Variants in MCTP1 observed in about 807,000 individuals in gnomAD.
The protein encoded by MCTP1 is multiple C2 and transmembrane domain-containing protein 1.
MCTP1 carries 69 observed loss-of-function variants against 120.6 expected under a neutral mutation model. The ratio of observed to expected loss-of-function variants is 0.57; its 90% CI spans 0.47 to 0.70. The LOEUF is 0.70. Ranked by LOEUF, MCTP1 falls within the 30% of genes least tolerant of loss-of-function variation. The probability of loss-of-function intolerance (pLI) is 0.00; values close to 1 mark genes in which losing one functional copy is unlikely to be tolerated. For missense variants in MCTP1, 1,203 were observed against 1,248.8 expected, an observed-to-expected ratio of 0.96 and a Z score of 0.55; for synonymous variants, 529 against 493.1, an observed-to-expected ratio of 1.07 and a Z score of -0.96.
At chr5:95,118,840 T>A (rs1448684678) in intron 1 of MCTP1, among the ~76,000 whole-genome samples, 1 of 152,166 alleles carries the variant, frequency 6.6e-6, no homozygotes. Flanking sequence ...TATTTAACAA[T>A]TGCAAATATA....
intron 19 of MCTP1, among the ~76,000 whole-genome samples, chr5:94,716,598 A>G (rs1759450558): frequency 6.6e-6 from 1 of 152,182 alleles, no homozygotes; most frequent in South Asian, 2.1e-4. Context: ...CCACATACAG[A>G]ATAAGTCAAA....
intron 19 of MCTP1, among the ~76,000 whole-genome samples, chr5:94,756,824 T>C (rs1436160842): frequency 6.6e-6 from 1 of 152,210 alleles, no homozygotes; most frequent in Non-Finnish European, 1.5e-5. Flanking sequence ...TGTTTACTTT[T>C]TGTATAGGAT....
chr5:95,223,065 T>C (rs1753857937), intron 1 of MCTP1, among the ~76,000 whole-genome samples: 1 of 152,234 alleles, frequency 6.6e-6, no homozygotes, highest in Non-Finnish European at 1.5e-5. Flanking sequence ...CCCACCCTCA[T>C]TATGGAGGAG....
At chr5:95,036,335 G>C (rs138190770) in intron 1 of MCTP1, among the ~76,000 whole-genome samples, 1 of 152,192 alleles carries the variant, frequency 6.6e-6, no homozygotes, top group Non-Finnish European at 1.5e-5. Context: ...AGGGAAGCTC[G>C]TGTAGCAGAT....
In MCTP1 at chr5:94,706,851, T is replaced by C. The variant is rs1754760196; in HGVS notation, c.*645A>G. 1 of 151,930 alleles carries C rather than the reference T, an allele frequency of 6.6e-6. No homozygotes were observed. Among genetic ancestry groups the C allele is most frequent in the Non-Finnish European group, 1.5e-5 (1 of 67,908 alleles). The allele number at this position is 151,930 out of a possible 1,614,324, so 9.4% of individuals were successfully genotyped here. A position where few individuals can be genotyped will look rare whatever the true frequency, so the allele number is the denominator to read the frequency against. On this transcript the variant is annotated 3_prime_UTR_variant, in exon 23 of 23. Coordinates refer to ENST00000515393, the MANE Select transcript of MCTP1 (RefSeq NM_024717.7). The stretch of plus-strand genomic sequence containing the variant: ...GATGGAATGATTGATTGAAATTCTA[T>C]AAAGAAAACTTTGTAACCTTCTGAG...
intron 17 of MCTP1, chr5:94,867,224 T>TC (rs2153275452): frequency 1.4e-6 from 2 of 1,413,110 alleles, no homozygotes; most frequent in African/African-American, 1.5e-5. Context: ...GAGATTTTTT[T>TC]TCTAAAACTT....
intron 12 of MCTP1, among the ~76,000 whole-genome samples, chr5:94,888,653 A>C (rs1801855522): frequency 6.6e-6 from 1 of 152,224 alleles, no homozygotes; most frequent in Admixed American, 6.5e-5. Context: ...ACAATTCAAA[A>C]GTCATTTTGT....
At chr5:95,113,659 C>T (rs934536455) in intron 1 of MCTP1, among the ~76,000 whole-genome samples, 12 of 152,178 alleles carry the variant, frequency 7.9e-5, no homozygotes, top group Admixed American at 4.6e-4. Context: ...GCCTTATCAT[C>T]GCAGGCTAAA....
rs555388068 is a variant in MCTP1, at chr5:94,853,967, G to C, written c.2436+14366C>G. Among the ~76,000 whole-genome samples, 9 of 151,918 alleles carry C rather than the reference G, an allele frequency of 5.9e-5. No individual in the cohort carries two copies. The East Asian group carries it at 1.8e-3, about 30-fold the overall frequency. On this transcript the variant is annotated intron_variant, in intron 17 of 22. Transcript: ENST00000515393. ...TGAAATGTGGTAGACACAGGCAGAT[G>C]GTGGCAGGGACCATCATGCAGATAG...
intron 1 of MCTP1, among the ~76,000 whole-genome samples, chr5:95,135,221 T>C (rs76080610): frequency 0.027 from 4,112 of 152,152 alleles, 76 homozygotes; most frequent in Non-Finnish European, 0.042. Flanking sequence ...TAGTAGATAA[T>C]AAGAATACAT....
At position 94,876,746 on chromosome 5, in the gene MCTP1, A is replaced by C. The variant is rs896741663; in HGVS notation, c.1934-3505T>G. 2.0e-5 allele frequency among the ~76,000 whole-genome samples: 3 copies of C among 152,020 alleles called. No homozygotes were observed. The East Asian group carries it at 5.8e-4, about 30-fold the overall frequency. On this transcript the variant is annotated intron_variant, in intron 12 of 22. Coordinates refer to ENST00000515393, the MANE Select transcript of MCTP1 (RefSeq NM_024717.7). ...ATAGAAATGGTGGCAGTGCTGGTTGAGGGCAGGGGCTGTGGGATTGATTGC... is the reference window on the plus strand; with the variant it reads ...ATAGAAATGGTGGCAGTGCTGGTTGCGGGCAGGGGCTGTGGGATTGATTGC...
At chr5:95,034,771 G>A (rs1269274435) in intron 1 of MCTP1, among the ~76,000 whole-genome samples, 1 of 152,078 alleles carries the variant, frequency 6.6e-6, no homozygotes, top group Non-Finnish European at 1.5e-5. Flanking sequence ...ACAGTCAACA[G>A]AGTAGACAGA....
At chr5:95,112,728 T>C (rs1757551623) in intron 1 of MCTP1, among the ~76,000 whole-genome samples, 1 of 152,216 alleles carries the variant, frequency 6.6e-6, no homozygotes, top group Admixed American at 6.5e-5. Flanking sequence ...AGAAGTATTT[T>C]AATTTTTGAA....
chr5:94,853,839 A>G (rs1469042677), intron 17 of MCTP1, among the ~76,000 whole-genome samples: 8 of 152,012 alleles, frequency 5.3e-5, no homozygotes, highest in African/African-American at 1.9e-4. Flanking sequence ...TGCACATGCT[A>G]TTTAGGGGTG....
chr5:95,177,121 G>A (rs1175396942), intron 1 of MCTP1, among the ~76,000 whole-genome samples: 1 of 151,074 alleles, frequency 6.6e-6, no homozygotes, highest in Non-Finnish European at 1.5e-5. Flanking sequence ...GAATTAGGGT[G>A]TGTATACATA....
chr5:95,010,902 G>C (rs1835799662), intron 2 of MCTP1, among the ~76,000 whole-genome samples: 1 of 152,074 alleles, frequency 6.6e-6, no homozygotes, highest in African/African-American at 2.4e-5. Context: ...AAAAGGTAGG[G>C]GCTACTTAGC....
In MCTP1 at chr5:94,942,789, G is replaced by A. The variant is rs1042174863; in HGVS notation, c.982-362C>T. Among the ~76,000 whole-genome samples the A allele has an allele frequency of 3.9e-5, 6 of 151,970 alleles. No homozygotes were observed. In the East Asian group the frequency reaches 7.8e-4, roughly 20 times the overall value. On this transcript the variant is annotated intron_variant, in intron 3 of 22. Transcript: ENST00000515393. ...ATGAGAATATGATTCCAATATCTTC[G>A]TATTTTTTAGGCCATTAAAGATACA... is the stretch of plus-strand genomic sequence containing the variant.
At chr5:95,221,148 AAACT>A (rs1753648522) in intron 1 of MCTP1, among the ~76,000 whole-genome samples, 1 of 152,256 alleles carries the variant, frequency 6.6e-6, no homozygotes, top group East Asian at 1.9e-4. Context: ...TCTTTGAAAC[AAACT>A]AACATGCCAA....
At chr5:94,726,839 C>A (rs1399358202) in intron 19 of MCTP1, among the ~76,000 whole-genome samples, 1 of 152,062 alleles carries the variant, frequency 6.6e-6, no homozygotes, top group Non-Finnish European at 1.5e-5. Flanking sequence ...GTTGTCGAGT[C>A]CCATATGGTA....
Sources: gnomAD v4.1 joint callset for allele counts (sites outside exome capture counted in the v4.1 genomes callset) on GRCh38, gnomAD v4.1.1 for gene constraint, MANE v1.5 for transcripts, NCBI Gene and HGNC (gene_info 2026-07-23, HGNC 2026-07-21) for gene names.